Variants in TAS1R1 observed in about 807,000 individuals in gnomAD.
TAS1R1 encodes taste 1 receptor member 1, also known as taste receptor type 1 member 1.
In TAS1R1, 31 loss-of-function variants were observed where a neutral mutation model predicts 45.8. That is an observed-to-expected ratio of 0.68 (90% confidence interval 0.51 to 0.91). The LOEUF (loss-of-function observed/expected upper bound fraction) is 0.91, where lower values mean the gene tolerates loss of function less well. Ranked by LOEUF, TAS1R1 falls within the 40% of genes least tolerant of loss-of-function variation. The pLI is 0.00. For synonymous variants in TAS1R1, 437 were observed against 448.4 expected, an observed-to-expected ratio of 0.97 and a Z score of 0.32; for missense variants, 1,051 against 1,063.9, an observed-to-expected ratio of 0.99 and a Z score of 0.17.
chr1:6,557,348 G>C (rs1374518678), intron 1 of TAS1R1, among the ~76,000 whole-genome samples: 1 of 152,184 alleles, frequency 6.6e-6, no homozygotes, highest in African/African-American at 2.4e-5. Context: ...CGGGACAGAA[G>C]TGGTAGAAAC....
Position 6,579,682 on chromosome 1 carries a change from C to T in TAS1R1, c.*98C>T. On this transcript the variant is annotated 3_prime_UTR_variant, in exon 6 of 6. Coordinates refer to ENST00000333172, the MANE Select transcript of TAS1R1 (RefSeq NM_138697.4). ...CCGGGAGGTCTTTGGGCATCGCGGTCTGGGGTTGGGACGTGTAAGCGCCTG... is the reference window on the plus strand; with the variant it reads ...CCGGGAGGTCTTTGGGCATCGCGGTTTGGGGTTGGGACGTGTAAGCGCCTG... 2.7e-6 allele frequency: 4 copies of T among 1,480,832 alleles called. No individual in the cohort carries two copies. In the South Asian group the frequency reaches 4.1e-5, roughly 15 times the overall value. The allele number at this position is 1,480,832 out of a possible 1,614,324, so 91.7% of individuals were successfully genotyped here. A position where few individuals can be genotyped will look rare whatever the true frequency, so the allele number is the denominator to read the frequency against.
At chr1:6,563,599 T>C (rs1639824639) in intron 1 of TAS1R1, among the ~76,000 whole-genome samples, 2 of 151,964 alleles carry the variant, frequency 1.3e-5, no homozygotes, top group Non-Finnish European at 1.5e-5. Flanking sequence ...TAGGTGGTAG[T>C]TGATAGGGAG....
intron 1 of TAS1R1, among the ~76,000 whole-genome samples, chr1:6,562,971 C>T (rs111904954): frequency 0.027 from 4,168 of 152,278 alleles, 214 homozygotes; most frequent in African/African-American, 0.095. Context: ...GTGTTTTATT[C>T]TCCCACTGGA....
chr1:6,555,590 ACTTAGTGGGACCC>A, intron 1 of TAS1R1, 26 bp downstream of exon 1: 1 of 1,531,808 alleles, frequency 6.5e-7, no homozygotes, highest in Non-Finnish European at 8.8e-7. Context: ...GCAGAGCCAC[ACTTAGTGGGACCC>A]CTGGCTATAG....
At position 6,579,310 on chromosome 1, in the gene TAS1R1, A is replaced by C. The variant is rs1342331957; in HGVS notation, c.2252A>C (p.Asp751Ala). The change falls in exon 6 of 6, where the codon GAC (aspartate) becomes GCC (alanine). Residue 751 changes from aspartate to alanine, a missense_variant. Coordinates refer to ENST00000333172, the MANE Select transcript of TAS1R1 (RefSeq NM_138697.4). Reference sequence around the variant, plus strand: ...TTTGCCTGCAGCTACCTGGGTAAGGACTTGCCAGAGAACTACAACGAGGCC... The same window carrying C: ...TTTGCCTGCAGCTACCTGGGTAAGGCCTTGCCAGAGAACTACAACGAGGCC... ...SAFACSYLGK[D>A]LPENYNEAKC... The C allele has an allele frequency of 2.5e-6, 4 of 1,614,014 alleles. No individual in the cohort carries two copies. In the African/African-American group the frequency reaches 5.3e-5, roughly 22 times the overall value.
rs973627670 is a variant in TAS1R1, at chr1:6,555,423, G to A, written c.50G>A (p.Cys17Tyr). ...GTCGGCCTGCAGCTTCTCATTTCCTGCTGCTGGGCCTTTGCCTGCCATAGC... is the reference window on the plus strand; with the variant it reads ...GTCGGCCTGCAGCTTCTCATTTCCTACTGCTGGGCCTTTGCCTGCCATAGC... The part of the protein sequence containing the change: ...RLVGLQLLIS[C>Y]CWAFACHSTE... Residue 17 changes from cysteine to tyrosine, a missense_variant, in exon 1 of 6, where the codon TGC (cysteine) becomes TAC (tyrosine). Coordinates refer to ENST00000333172, the MANE Select transcript of TAS1R1 (RefSeq NM_138697.4). The A allele has an allele frequency of 1.9e-6, 3 of 1,607,466 alleles. No individual in the cohort carries two copies. Among genetic ancestry groups the A allele is most frequent in the Non-Finnish European group, 1.7e-6 (2 of 1,177,794 alleles).
Position 6,578,918 on chromosome 1 carries a change from T to TG in TAS1R1, c.1862dup (p.Phe622LeufsTer86), listed in dbSNP as rs1640278244. 4 of 1,613,272 alleles carry TG rather than the reference T, an allele frequency of 2.5e-6. No individual in the cohort carries two copies. The South Asian group carries it at 4.4e-5, about 18-fold the overall frequency. On this transcript the variant is annotated frameshift_variant, in exon 6 of 6. Coordinates refer to ENST00000333172, the MANE Select transcript of TAS1R1 (RefSeq NM_138697.4). LOFTEE classifies it low-confidence loss of function (END_TRUNC). ...TGGCAGCAGGTAGTGGCAGCCTCTA[T>TG]GGCTTCTTTGGGGAACCCACAAGGC...
At position 6,579,671 on chromosome 1, in the gene TAS1R1, G is replaced by A; in HGVS notation, c.*87G>A. ...GCCGGGGGTGTCCGGGAGGTCTTTG[G>A]GCATCGCGGTCTGGGGTTGGGACGT... On this transcript the variant is annotated 3_prime_UTR_variant, in exon 6 of 6. Coordinates refer to ENST00000333172, the MANE Select transcript of TAS1R1 (RefSeq NM_138697.4). The A allele has an allele frequency of 1.0e-5, 15 of 1,499,104 alleles. No homozygotes were observed. The highest frequency in any genetic ancestry group is 4.6e-5 in the East Asian group (2 of 43,536). 92.9% of individuals were successfully genotyped at this position (1,499,104 alleles called of 1,614,324 possible). A position where few individuals can be genotyped will look rare whatever the true frequency, so the allele number is the denominator to read the frequency against.
chr1:6,563,496 T>C (rs1479344086), intron 1 of TAS1R1, among the ~76,000 whole-genome samples: 4 of 152,210 alleles, frequency 2.6e-5, no homozygotes, highest in Non-Finnish European at 5.9e-5. Flanking sequence ...TGACTGCATG[T>C]CTAAAAGTTG....
chr1:6,579,532 A>G lies in TAS1R1; in HGVS notation c.2474A>G (p.Glu825Gly). 2 of 1,613,090 alleles carry G rather than the reference A, an allele frequency of 1.2e-6. No individual in the cohort carries two copies. The highest frequency in any genetic ancestry group is 1.7e-6 in the Non-Finnish European group (2 of 1,180,020). The change falls in exon 6 of 6, where the codon GAG becomes GGG. Residue 825 changes from glutamate (E) to glycine (G), a missense_variant. Glu to Gly is a moderately conservative substitution (Grantham distance 98). Transcript: ENST00000333172. ...ILCRPDLNSTEHFQASIQDYT... is the reference protein window; with the variant it reads ...ILCRPDLNSTGHFQASIQDYT... ...TGCCGCCCAGACCTCAACAGCACAG[A>G]GCACTTCCAGGCCTCCATTCAGGAC...
chr1:6,572,300 A>C (rs1570124279), intron 2 of TAS1R1, among the ~76,000 whole-genome samples: 4 of 128,906 alleles, frequency 3.1e-5, no homozygotes, highest in Admixed American at 9.1e-5. Context: ...ACACAGTCTC[A>C]CTCTGACACT....
In TAS1R1 at chr1:6,578,535, T is replaced by C. The variant is rs571267920; in HGVS notation, c.1595-118T>C. ...CCACTCCCGGCTACCCCCATCCCAC[T>C]ATGCCTAGTATAGTCTAGCTGCCCT... is the stretch of plus-strand genomic sequence containing the variant. On this transcript the variant is annotated intron_variant, in intron 5 of 5. Coordinates refer to ENST00000333172, the MANE Select transcript of TAS1R1 (RefSeq NM_138697.4). 1.7e-4 allele frequency: 247 copies of C among 1,473,160 alleles called. No homozygotes were observed. In the African/African-American group the frequency reaches 3.2e-3, roughly 19 times the overall value. The allele number at this position is 1,473,160 out of a possible 1,614,324, so 91.3% of individuals were successfully genotyped here.
intron 1 of TAS1R1, among the ~76,000 whole-genome samples, chr1:6,559,992 C>T (rs1639754276): frequency 9.5e-6 from 1 of 104,944 alleles, no homozygotes; most frequent in Non-Finnish European, 1.9e-5. Context: ...GAGTGAAACT[C>T]TGTCTCAAAA....
intron 1 of TAS1R1, among the ~76,000 whole-genome samples, chr1:6,561,675 A>G (rs1295661188): frequency 6.6e-6 from 1 of 151,072 alleles, no homozygotes; most frequent in Non-Finnish European, 1.5e-5. Flanking sequence ...AGCTCGCGCC[A>G]CCGCACTCCA....
intron 1 of TAS1R1, among the ~76,000 whole-genome samples, chr1:6,556,684 G>A (rs575733016): frequency 6.6e-6 from 1 of 151,462 alleles, no homozygotes; most frequent in African/African-American, 2.4e-5. Context: ...TTATAGGCTT[G>A]AGCCACCGCG....
intron 4 of TAS1R1, 58 bp from the exon 5 acceptor site, chr1:6,576,877 TCTGTTTTCTGTTCCA>T (rs1640193980): frequency 1.3e-5 from 21 of 1,606,980 alleles, no homozygotes; most frequent in Non-Finnish European, 1.8e-5. Context: ...GCACAGAGAT[TCTGTTTTCTGTTCCA>T]CATGTGAGCT....
At chr1:6,570,015 GAGGGA>G in intron 1 of TAS1R1, among the ~76,000 whole-genome samples, 1 of 61,384 alleles carries the variant, frequency 1.6e-5, no homozygotes, top group Admixed American at 2.3e-4. Flanking sequence ...GAGAGGGAGG[GAGGGA>G]GGGGGAGAGA....
Sources: gnomAD v4.1 joint callset for allele counts (sites outside exome capture counted in the v4.1 genomes callset) on GRCh38, gnomAD v4.1.1 for gene constraint, MANE v1.5 for transcripts, NCBI Gene and HGNC (gene_info 2026-07-23, HGNC 2026-07-21) for gene names.